PCDHGA1: variants seen among roughly 807,000 people sequenced by gnomAD.
PCDHGA1 encodes protocadherin gamma subfamily A, 1.
A neutral mutation model predicts 58.0 loss-of-function variants in PCDHGA1; 32 were observed. That is an observed-to-expected ratio of 0.55 (90% CI 0.42 to 0.74). The LOEUF (loss-of-function observed/expected upper bound fraction) is 0.74. PCDHGA1 is among the 30% of genes least tolerant of loss of function. The pLI is 0.00. For missense variants in PCDHGA1, 1,205 were observed against 1,182.3 expected (o/e 1.02, Z -0.28); for synonymous variants, 498 against 501.1 (o/e 0.99, Z 0.08).
intron 1 of PCDHGA1, chr5:141,419,310 A>G: frequency 6.2e-7 from 1 of 1,613,948 alleles, no homozygotes; most frequent in Non-Finnish European, 8.5e-7. Flanking sequence ...TTCGGGCTCA[A>G]CGGCCGTGTC....
chr5:141,487,477 C>A lies in PCDHGA1; in HGVS notation c.2422-7330C>A, dbSNP rs748435479. On this transcript the variant is annotated intron_variant, in intron 1 of 3. Transcript: ENST00000517417. The surrounding 1 kb of genome is among the most constrained non-coding windows in gnomAD (Gnocchi z 5.0). ...TCAAGTTTGTTGATGTGGGAGGCCA[C>A]TCTCATGGCTGTACACCCTTGGCTT... 1 of 1,614,200 alleles carries A rather than the reference C, an allele frequency of 6.2e-7. No individual in the cohort carries two copies. The highest frequency in any genetic ancestry group is 1.7e-5 in the Admixed American group (1 of 60,030).
intron 1 of PCDHGA1, chr5:141,389,864 G>A: frequency 6.2e-7 from 1 of 1,614,058 alleles, no homozygotes; most frequent in Non-Finnish European, 8.5e-7. Flanking sequence ...CGTTGCACCT[G>A]GTCTTCGCCG....
At chr5:141,382,969 T>G in intron 1 of PCDHGA1, 2 of 1,609,418 alleles carry the variant, frequency 1.2e-6, no homozygotes, top group Non-Finnish European at 8.5e-7. Context: ...GGGGACCCCC[T>G]GGGAAGCCTG....
chr5:141,423,503 C>T (rs1225012888), intron 1 of PCDHGA1: 2 of 1,613,984 alleles, frequency 1.2e-6, no homozygotes, highest in South Asian at 2.2e-5. Context: ...CACGAGGTCT[C>T]TCTCATTGCG....
intron 1 of PCDHGA1, among the ~76,000 whole-genome samples, chr5:141,439,449 G>A (rs761506247): frequency 4.6e-5 from 7 of 152,184 alleles, no homozygotes; most frequent in Admixed American, 3.9e-4. Context: ...TATTGCGGGA[G>A]CAAGACTGCA....
chr5:141,394,100 A>G (rs370480326), intron 1 of PCDHGA1: 2 of 1,613,942 alleles, frequency 1.2e-6, no homozygotes, highest in Non-Finnish European at 1.7e-6. Context: ...ATCTAGGAAC[A>G]CCACCTCTGT....
chr5:141,477,221 A>G lies in PCDHGA1; in HGVS notation c.2422-17586A>G, dbSNP rs771608717. 1 of 1,614,178 alleles carries G rather than the reference A, an allele frequency of 6.2e-7. No homozygotes were observed. The highest frequency in any genetic ancestry group is 8.5e-7 in the Non-Finnish European group (1 of 1,180,044). ...AGTACCCGAGGATGCCCCTCTGGGG[A>G]CTGTCATCGCTTTGCTCAGTGTGAC... On this transcript the variant is annotated intron_variant, in intron 1 of 3. Coordinates refer to ENST00000517417, the MANE Select transcript of PCDHGA1 (RefSeq NM_018912.3). This position sits in a 1 kb window ranked among gnomAD's most constrained non-coding sequence, Gnocchi z 4.9.
At chr5:141,391,607 A>G (rs1436377162) in intron 1 of PCDHGA1, 1 of 152,212 alleles carries the variant, frequency 6.6e-6, no homozygotes, top group Non-Finnish European at 1.5e-5. Flanking sequence ...TTCAGATTTC[A>G]TGAGTGGTTT....
intron 1 of PCDHGA1, among the ~76,000 whole-genome samples, chr5:141,358,090 T>C (rs1298927847): frequency 6.6e-6 from 1 of 152,192 alleles, no homozygotes; most frequent in African/African-American, 2.4e-5. Flanking sequence ...CCCTGGAGGC[T>C]GAGGCATGAG....
In PCDHGA1 at chr5:141,427,967, G is replaced by A. The variant is rs535332244; in HGVS notation, c.2422-66840G>A. On this transcript the variant is annotated intron_variant, in intron 1 of 3. Coordinates refer to ENST00000517417, the MANE Select transcript of PCDHGA1 (RefSeq NM_018912.3). The stretch of plus-strand genomic sequence containing the variant: ...TCAATGACAATGTGCCGCGGGTGCT[G>A]TACCCCGCGCTGGGGCCCGATGGCT... 10 of 1,591,190 alleles carry A rather than the reference G, an allele frequency of 6.3e-6. No individual in the cohort carries two copies. In the East Asian group the frequency reaches 8.9e-5, roughly 14 times the overall value.
At chr5:141,348,821 G>T (rs1026818776) in intron 1 of PCDHGA1, among the ~76,000 whole-genome samples, 1 of 152,144 alleles carries the variant, frequency 6.6e-6, no homozygotes, top group Non-Finnish European at 1.5e-5. Flanking sequence ...AGGCTGTTTC[G>T]AATAGAGTAT....
intron 1 of PCDHGA1, chr5:141,366,233 A>T (rs1354193643): frequency 6.2e-7 from 1 of 1,613,792 alleles, no homozygotes; most frequent in Admixed American, 1.7e-5. Flanking sequence ...CCTGCTGGAC[A>T]GAGACGCGCT....
intron 1 of PCDHGA1, among the ~76,000 whole-genome samples, chr5:141,450,005 T>A (rs1439257597): frequency 1.0e-5 from 1 of 99,604 alleles, no homozygotes; most frequent in Non-Finnish European, 1.8e-5. Context: ...TTGCCATGTC[T>A]CTTTTTTTTT....
At chr5:141,344,903 G>T (rs750934380) in intron 1 of PCDHGA1, 24 of 1,613,758 alleles carry the variant, frequency 1.5e-5, no homozygotes, top group Non-Finnish European at 1.9e-5. Flanking sequence ...AAATCGCTGA[G>T]ATTTTCCATC....
At position 141,422,391 on chromosome 5, in the gene PCDHGA1, T is replaced by A. The variant is rs1036823508; in HGVS notation, c.2422-72416T>A. On this transcript the variant is annotated intron_variant, in intron 1 of 3. Transcript: ENST00000517417. ...ATGGTCAAGTCTCCTGTTTTATTCCTAACCACCTGCCTTTTAAATTAGAAA... is the reference window on the plus strand; with the variant it reads ...ATGGTCAAGTCTCCTGTTTTATTCCAAACCACCTGCCTTTTAAATTAGAAA... 2.5e-6 allele frequency: 4 copies of A among 1,591,932 alleles called. No individual in the cohort carries two copies. The African/African-American group carries it at 4.1e-5, about 16-fold the overall frequency.
chr5:141,491,014 G>A lies in PCDHGA1; in HGVS notation c.2422-3793G>A, dbSNP rs761902295. On this transcript the variant is annotated intron_variant, in intron 1 of 3. Transcript: ENST00000517417. This position sits in a 1 kb window ranked among gnomAD's most constrained non-coding sequence, Gnocchi z 6.9. ...TCCTCCTGGCTCCTTGGTCACCAAG[G>A]TGACAGCCGTGGATGCTGATGCAGG... 6 of 1,614,134 alleles carry A rather than the reference G, an allele frequency of 3.7e-6. No individual in the cohort carries two copies. Among genetic ancestry groups the A allele is most frequent in the Non-Finnish European group, 4.2e-6 (5 of 1,180,044 alleles).
intron 3 of PCDHGA1, among the ~76,000 whole-genome samples, chr5:141,507,760 T>G (rs2099863136): frequency 6.6e-6 from 1 of 152,202 alleles, no homozygotes; most frequent in Non-Finnish European, 1.5e-5. Context: ...GCCTCCCACC[T>G]TTGGCCCACA....
rs778052844 is a variant in PCDHGA1, at chr5:141,486,259, T to C, written c.2422-8548T>C. ...CAGAGCTTGGAACCCTCCCCGAGAG[T>C]GCAGAACCTGGCACTGTGGTGGCAC... is the stretch of plus-strand genomic sequence containing the variant. On this transcript the variant is annotated intron_variant, in intron 1 of 3. Coordinates refer to ENST00000517417, the MANE Select transcript of PCDHGA1 (RefSeq NM_018912.3). This position sits in a 1 kb window ranked among gnomAD's most constrained non-coding sequence, Gnocchi z 5.0. 1 of 1,613,204 alleles carries C rather than the reference T, an allele frequency of 6.2e-7. No individual in the cohort carries two copies. The highest frequency in any genetic ancestry group is 8.5e-7 in the Non-Finnish European group (1 of 1,179,716).
At chr5:141,374,364 A>C in intron 1 of PCDHGA1, 2 of 1,614,024 alleles carry the variant, frequency 1.2e-6, no homozygotes, top group Non-Finnish European at 1.7e-6. Context: ...GACCGCGAGG[A>C]GCTCTGTGCT....
Sources: allele counts gnomAD v4.1 joint callset (sites outside exome capture counted in the v4.1 genomes callset), GRCh38; gene constraint gnomAD v4.1.1; non-coding constraint Gnocchi (gnomAD v3.1); transcripts MANE v1.5; gene names NCBI Gene and HGNC (gene_info 2026-07-23, HGNC 2026-07-21).